The following TAS2R1 variants were observed in gnomAD, a reference collection of about 807,000 sequenced individuals.
TAS2R1 encodes the protein taste 2 receptor member 1.
For synonymous variants in TAS2R1, 141 were observed against 134.2 expected (o/e 1.05, Z -0.35); for missense variants, 370 against 353.4 (o/e 1.05, Z -0.38).
chr5:9,812,337 T>C, the TAS2R1 span, among the ~76,000 whole-genome samples: 10 of 152,124 alleles, frequency 6.6e-5, no homozygotes, highest in African/African-American at 2.4e-4. Flanking sequence ...TGTATATATA[T>C]GAAGTTGAAG....
At chr5:9,784,701 A>T in the TAS2R1 span, among the ~76,000 whole-genome samples, 1 of 152,202 alleles carries the variant, frequency 6.6e-6, no homozygotes, top group African/African-American at 2.4e-5. Context: ...CAGAAGCTCC[A>T]GAGGAGGATC....
chr5:9,633,049 A>G (rs150125922), upstream of TAS2R1, among the ~76,000 whole-genome samples: 1 of 151,968 alleles, frequency 6.6e-6, no homozygotes, highest in African/African-American at 2.4e-5. Flanking sequence ...TGAGACTTGG[A>G]TGTCAAAATT....
chr5:9,823,476 A>T, the TAS2R1 span, among the ~76,000 whole-genome samples: 1 of 132,582 alleles, frequency 7.5e-6, no homozygotes, highest in South Asian at 2.9e-4. Flanking sequence ...AGGGAGGGAA[A>T]AGGGAAGGGA....
At chr5:9,679,596 C>T (rs1740955392) in intron 1 of TAS2R1, among the ~76,000 whole-genome samples, 1 of 152,122 alleles carries the variant, frequency 6.6e-6, no homozygotes, top group Non-Finnish European at 1.5e-5. Flanking sequence ...GCTGATACTA[C>T]TTACATGTAC....
chr5:9,705,027 T>C (rs1741574200), intron 1 of TAS2R1, among the ~76,000 whole-genome samples: 1 of 151,906 alleles, frequency 6.6e-6, no homozygotes, highest in Non-Finnish European at 1.5e-5. Flanking sequence ...TAGTGGCTAA[T>C]TGGTTGTTCT....
the TAS2R1 span, among the ~76,000 whole-genome samples, chr5:9,830,168 G>A: frequency 6.9e-6 from 1 of 143,930 alleles, no homozygotes; most frequent in Non-Finnish European, 1.5e-5. Context: ...ACAGGAGCAA[G>A]AGAACAGATT....
intron 2 of TAS2R1, among the ~76,000 whole-genome samples, chr5:9,642,431 T>C (rs1396404323): frequency 6.6e-6 from 1 of 152,208 alleles, no homozygotes; most frequent in Admixed American, 6.5e-5. Context: ...ATCTTCCCGA[T>C]AGCAGAGCTC....
the TAS2R1 span, among the ~76,000 whole-genome samples, chr5:9,764,604 C>T: frequency 1.3e-5 from 2 of 152,132 alleles, no homozygotes; most frequent in Non-Finnish European, 2.9e-5. Flanking sequence ...ACAAGTAGGT[C>T]CCTTACACAT....
At chr5:9,682,678 CT>C (rs1197559453) in intron 1 of TAS2R1, among the ~76,000 whole-genome samples, 1 of 152,174 alleles carries the variant, frequency 6.6e-6, no homozygotes, top group African/African-American at 2.4e-5. Flanking sequence ...GCACCTGACA[CT>C]GAGAAAGAAT....
the TAS2R1 span, among the ~76,000 whole-genome samples, chr5:9,903,260 G>A: frequency 6.6e-6 from 1 of 152,016 alleles, no homozygotes; most frequent in Non-Finnish European, 1.5e-5. Flanking sequence ...GTGAGAACAT[G>A]TGATGTTTGT....
chr5:9,645,862 A>G (rs576851704), intron 2 of TAS2R1, among the ~76,000 whole-genome samples: 2 of 152,274 alleles, frequency 1.3e-5, no homozygotes, highest in Admixed American at 6.5e-5. Flanking sequence ...TCCTCAGAAT[A>G]TGTCAGCCTC....
chr5:9,663,411 G>C (rs571873608), intron 1 of TAS2R1, among the ~76,000 whole-genome samples: 2 of 152,238 alleles, frequency 1.3e-5, no homozygotes, highest in South Asian at 4.1e-4. Flanking sequence ...TGGAGGAGGA[G>C]AGATTTATAA....
chr5:9,773,602 G>T, the TAS2R1 span, among the ~76,000 whole-genome samples: 1 of 152,116 alleles, frequency 6.6e-6, no homozygotes, highest in African/African-American at 2.4e-5. Flanking sequence ...TCACAGGACA[G>T]GTCTGGTGTT....
At chr5:9,796,711 C>G in the TAS2R1 span, among the ~76,000 whole-genome samples, 3 of 97,286 alleles carry the variant, frequency 3.1e-5, no homozygotes, top group East Asian at 6.4e-4. Context: ...CAGAAAATAG[C>G]TATTTTCTGG....
the TAS2R1 span, among the ~76,000 whole-genome samples, chr5:9,799,127 C>G: frequency 6.6e-6 from 1 of 152,178 alleles, no homozygotes. Flanking sequence ...CTCTAAAGCG[C>G]CACTTGTCAC....
At chr5:9,713,629 T>A (rs952142488), upstream of TAS2R1, among the ~76,000 whole-genome samples, 12 of 152,184 alleles carry the variant, frequency 7.9e-5, no homozygotes, top group Non-Finnish European at 1.6e-4. Flanking sequence ...AGAAATATAT[T>A]TCAGTCTTTT....
At chr5:9,835,725 C>T in the TAS2R1 span, among the ~76,000 whole-genome samples, 1 of 152,144 alleles carries the variant, frequency 6.6e-6, no homozygotes, top group African/African-American at 2.4e-5. Flanking sequence ...CTGGGAGGGC[C>T]TGGGTTCAAA....
chr5:9,855,776 T>G, the TAS2R1 span, among the ~76,000 whole-genome samples: 2 of 152,234 alleles, frequency 1.3e-5, no homozygotes, highest in African/African-American at 4.8e-5. Context: ...AAATAGATGC[T>G]GATGCAAGAT....
chr5:9,779,646 G>A, the TAS2R1 span, among the ~76,000 whole-genome samples: 7 of 152,220 alleles, frequency 4.6e-5, no homozygotes, highest in African/African-American at 1.4e-4. Flanking sequence ...TATGCATGCA[G>A]TTTGTGATGC....
Sources: gnomAD v4.1 joint callset for allele counts (sites outside exome capture counted in the v4.1 genomes callset) on GRCh38, gnomAD v4.1.1 for gene constraint, MANE v1.5 for transcripts, NCBI Gene and HGNC (gene_info 2026-07-23, HGNC 2026-07-21) for gene names.